INSR: variants seen among roughly 807,000 people sequenced by gnomAD.
The protein encoded by INSR is IR.
In INSR, 67 loss-of-function variants were observed where a neutral mutation model predicts 142.6. That is an observed-to-expected ratio of 0.47 (90% CI 0.39 to 0.58). The LOEUF (loss-of-function observed/expected upper bound fraction) is 0.58. Ranked by LOEUF, INSR falls within the 20% of genes least tolerant of loss-of-function variation. The pLI is 0.00. For synonymous variants in INSR, 756 were observed against 743.1 expected (o/e 1.02, Z -0.28); for missense variants, 1,248 against 1,833.2 (o/e 0.68, Z 5.83).
At chr19:7,266,197 C>T (rs568336026) in intron 2 of INSR, among the ~76,000 whole-genome samples, 16 of 152,102 alleles carry the variant, frequency 1.1e-4, no homozygotes, top group Admixed American at 3.9e-4. Flanking sequence ...CAAGGTGTTC[C>T]CTCTCCTCCA....
At chr19:7,256,936 T>G (rs1976913409) in intron 2 of INSR, among the ~76,000 whole-genome samples, 1 of 148,334 alleles carries the variant, frequency 6.7e-6, no homozygotes, top group South Asian at 2.2e-4. Flanking sequence ...CCTACCTTTT[T>G]TTTTTTTTTT....
At chr19:7,133,805 T>C (rs1972842486) in intron 13 of INSR, among the ~76,000 whole-genome samples, 1 of 152,196 alleles carries the variant, frequency 6.6e-6, no homozygotes, top group South Asian at 2.1e-4. Flanking sequence ...GAGGTTGCAG[T>C]GAGCCAAGAT....
intron 8 of INSR, among the ~76,000 whole-genome samples, 182 bp downstream of exon 8, chr19:7,165,972 T>G (rs1973878994): frequency 6.7e-6 from 1 of 148,580 alleles, no homozygotes; most frequent in African/African-American, 2.5e-5. Context: ...GAGGCTGCAG[T>G]GAGCCATGAT....
At chr19:7,170,878 C>A in intron 5 of INSR, 127 bp from the exon 6 acceptor site, 3 of 792,194 alleles carry the variant, frequency 3.8e-6, no homozygotes, top group Admixed American at 1.8e-5. Flanking sequence ...TTGCTTGGCA[C>A]ATACTCAACA....
intron 2 of INSR, among the ~76,000 whole-genome samples, chr19:7,195,291 A>G (rs768850786): frequency 1.3e-5 from 2 of 151,594 alleles, no homozygotes; most frequent in Non-Finnish European, 2.9e-5. Flanking sequence ...TTCTTTCCAT[A>G]TATTACTAAC....
At chr19:7,189,335 T>C (rs1974515523) in intron 2 of INSR, among the ~76,000 whole-genome samples, 1 of 152,216 alleles carries the variant, frequency 6.6e-6, no homozygotes, top group Admixed American at 6.5e-5. Context: ...ATCCAACCAT[T>C]GCAAACAAGG....
chr19:7,165,380 C>G (rs8107359), intron 8 of INSR, among the ~76,000 whole-genome samples: 5,254 of 152,198 alleles, frequency 0.035, 273 homozygotes, highest in African/African-American at 0.12. Flanking sequence ...GAAGAGGGAA[C>G]AGGCGTCGAG....
In INSR at chr19:7,142,375, G is replaced by A. The variant is rs1190155133; in HGVS notation, c.2542+441C>T. 5.3e-4 allele frequency among the ~76,000 whole-genome samples: 56 copies of A among 105,280 alleles called. 1 individual carries two copies. Among genetic ancestry groups the A allele is most frequent in the African/African-American group, 2.0e-3 (52 of 25,614 alleles). The allele number at this position is 105,280 out of a possible 152,430, so 69.1% of individuals were successfully genotyped here. On this transcript the variant is annotated intron_variant, in intron 12 of 21. Transcript: ENST00000302850. The stretch of plus-strand genomic sequence containing the variant: ...ATTGTACTCCAGCCTGGGCGACAGA[G>A]CAAGACTTCATCTCAAAAAAAAAAA...
chr19:7,169,763 T>C (rs1009379228), intron 6 of INSR, among the ~76,000 whole-genome samples: 1 of 152,166 alleles, frequency 6.6e-6, no homozygotes, highest in Non-Finnish European at 1.5e-5. Context: ...TAAGAAGGTG[T>C]CATCCATTCA....
chr19:7,194,734 T>G (rs1010173224), intron 2 of INSR, among the ~76,000 whole-genome samples: 1 of 150,364 alleles, frequency 6.7e-6, no homozygotes, highest in Non-Finnish European at 1.5e-5. Flanking sequence ...TTGGCCAGGC[T>G]GGTCTCAAAC....
chr19:7,140,430 T>C (rs1427654984), intron 13 of INSR, among the ~76,000 whole-genome samples: 1 of 152,226 alleles, frequency 6.6e-6, no homozygotes, highest in Non-Finnish European at 1.5e-5. Context: ...TGAGTAGTTG[T>C]AACAGAAATC....
intron 2 of INSR, among the ~76,000 whole-genome samples, chr19:7,211,935 C>A (rs56868956): frequency 6.7e-6 from 1 of 149,834 alleles, no homozygotes; most frequent in Middle Eastern, 3.2e-3. Context: ...ATGCCGGGGC[C>A]GTTTCCCAAG....
At chr19:7,224,243 A>ATTTT (rs11387492) in intron 2 of INSR, among the ~76,000 whole-genome samples, 8 of 137,334 alleles carry the variant, frequency 5.8e-5, no homozygotes, top group African/African-American at 1.9e-4. Flanking sequence ...CACCAGGCCA[A>ATTTT]TTTTTTTTTT....
chr19:7,204,032 G>A (rs540047288), intron 2 of INSR, among the ~76,000 whole-genome samples: 19 of 150,354 alleles, frequency 1.3e-4, no homozygotes, highest in African/African-American at 4.2e-4. Context: ...ACAGGCTCCC[G>A]GCTCACTGCA....
At chr19:7,142,403 A>G (rs1297073675) in intron 12 of INSR, among the ~76,000 whole-genome samples, 3 of 133,404 alleles carry the variant, frequency 2.2e-5, no homozygotes, top group Admixed American at 7.6e-5. Flanking sequence ...AAAAAAAAAA[A>G]AAAAAAAAAA....
At position 7,163,115 on chromosome 19, in the gene INSR, T is replaced by C. The variant is rs780995368; in HGVS notation, c.1946A>G (p.Asn649Ser). 8 of 1,613,824 alleles carry C rather than the reference T, an allele frequency of 5.0e-6. No homozygotes were observed. The highest frequency in any genetic ancestry group is 4.5e-5 in the East Asian group (2 of 44,860). Residue 649 changes from asparagine to serine, a missense_variant, in exon 9 of 22, where the codon AAT (asparagine) becomes AGT (serine). Physicochemically the swap from Asn to Ser is conservative, Grantham distance 46. Around this residue, in one of 3 missense-constraint regions of INSR, gnomAD observed 1,069 missense variants for 1,654.0 expected, o/e 0.65. Transcript: ENST00000302850. ...AACCAGGTAGTGGGTGATGTTGCCA[T>C]TGGGGTCGGAGGGTGGTTTCCACTT... ...ILKWKPPSDP[N>S]GNITHYLVFW...
In INSR at chr19:7,132,267, G is replaced by A. The variant is rs778219961; in HGVS notation, c.2733C>T (p.Cys911=). 10 of 1,614,214 alleles carry A rather than the reference G, an allele frequency of 6.2e-6. No individual in the cohort carries two copies. The South Asian group carries it at 9.9e-5, about 16-fold the overall frequency. Residue 911 remains cysteine (C), a synonymous_variant, in exon 14 of 22, where the codon TGC becomes TGT. Transcript: ENST00000302850. The stretch of plus-strand genomic sequence containing the variant: ...TCCCCGGTGACAGCCCACGCAGCCT[G>A]CAGCCCCGTTCCAGAGCGAAGTGCT... ...SRKHFALERG[C]RLRGLSPGNY...
chr19:7,265,309 T>A (rs1193044481), intron 2 of INSR, among the ~76,000 whole-genome samples: 1 of 152,010 alleles, frequency 6.6e-6, no homozygotes, highest in Admixed American at 6.6e-5. Flanking sequence ...CCCAAAGCAA[T>A]GGCAAAGAGG....
At chr19:7,270,316 TTCTCTCTC>T (rs371690798) in intron 1 of INSR, among the ~76,000 whole-genome samples, 2 of 128,270 alleles carry the variant, frequency 1.6e-5, no homozygotes, top group South Asian at 5.4e-4. Flanking sequence ...TATATTTCAT[TTCTCTCTC>T]TCTCTCTCTC....
Sources: gnomAD v4.1 joint callset for allele counts (sites outside exome capture counted in the v4.1 genomes callset) on GRCh38, gnomAD v4.1.1 for gene constraint, gnomAD v4.1.1 regional missense constraint, MANE v1.5 for transcripts, NCBI Gene and HGNC (gene_info 2026-07-23, HGNC 2026-07-21) for gene names.